Variants in TAFA4 observed in about 807,000 individuals in gnomAD.
The protein encoded by TAFA4 is chemokine-like protein TAFA-4.
TAFA4 carries 20 observed loss-of-function variants against 21.1 expected under a neutral mutation model. That is an observed-to-expected ratio of 0.95 (90% confidence interval 0.67 to 1.38). The LOEUF (loss-of-function observed/expected upper bound fraction) is 1.38. Ranked by LOEUF, TAFA4 falls within the 40% of genes most tolerant of loss-of-function variation. The pLI is 0.00. For missense variants in TAFA4, 211 were observed against 180.9 expected, an observed-to-expected ratio of 1.17 and a Z score of -0.95; for synonymous variants, 71 against 67.4, an observed-to-expected ratio of 1.05 and a Z score of -0.26.
At chr3:68,735,769 A>G (rs1014065059) in intron 5 of TAFA4, among the ~76,000 whole-genome samples, 19 of 152,122 alleles carry the variant, frequency 1.2e-4, no homozygotes, top group African/African-American at 4.1e-4. Flanking sequence ...TAAAAGAATC[A>G]AGTAGGAAGT....
chr3:68,758,163 A>C (rs1702693087), intron 3 of TAFA4, among the ~76,000 whole-genome samples: 1 of 152,222 alleles, frequency 6.6e-6, no homozygotes, highest in Non-Finnish European at 1.5e-5. Context: ...TCTCCACCTC[A>C]GCAAGTCATG....
At chr3:68,831,000 A>G (rs927213084) in intron 3 of TAFA4, among the ~76,000 whole-genome samples, 3 of 152,200 alleles carry the variant, frequency 2.0e-5, no homozygotes, top group African/African-American at 7.2e-5. Context: ...ATCAGAGACC[A>G]GGATTGCAAC....
intron 5 of TAFA4, among the ~76,000 whole-genome samples, chr3:68,738,435 G>A (rs1702283559): frequency 6.6e-6 from 1 of 152,114 alleles, no homozygotes; most frequent in South Asian, 2.1e-4. Flanking sequence ...CTGGAAGGCA[G>A]CAGTCTAGCA....
At chr3:68,921,108 C>CT (rs1275873817) in intron 1 of TAFA4, among the ~76,000 whole-genome samples, 1 of 152,100 alleles carries the variant, frequency 6.6e-6, no homozygotes, top group African/African-American at 2.4e-5. Flanking sequence ...ACAACAGTGA[C>CT]TGATGGCTCC....
At chr3:68,747,537 C>A (rs1197737387) in intron 4 of TAFA4, among the ~76,000 whole-genome samples, 1 of 152,182 alleles carries the variant, frequency 6.6e-6, no homozygotes, top group Non-Finnish European at 1.5e-5. Context: ...GATGGTGAGG[C>A]CTCCCCAGCC....
At chr3:68,830,328 G>T (rs926459442) in intron 3 of TAFA4, among the ~76,000 whole-genome samples, 3 of 152,166 alleles carry the variant, frequency 2.0e-5, no homozygotes, top group African/African-American at 7.2e-5. Flanking sequence ...GGCATTTAGT[G>T]CTATAAATTT....
At chr3:68,863,804 T>G (rs1186232206) in intron 3 of TAFA4, among the ~76,000 whole-genome samples, 1 of 152,182 alleles carries the variant, frequency 6.6e-6, no homozygotes, top group Non-Finnish European at 1.5e-5. Context: ...AATACCAATC[T>G]GACTTATTAA....
At chr3:68,900,240 T>TTAATAATAATAA (rs3048092) in intron 1 of TAFA4, among the ~76,000 whole-genome samples, 39 of 132,836 alleles carry the variant, frequency 2.9e-4, no homozygotes, top group Non-Finnish European at 3.8e-4. Context: ...AGACTCTCTC[T>TTAATAATAATAA]TAATAATAAT....
intron 1 of TAFA4, among the ~76,000 whole-genome samples, chr3:68,886,673 C>T (rs2089676119): frequency 1.3e-5 from 2 of 152,086 alleles, no homozygotes; most frequent in Non-Finnish European, 2.9e-5. Flanking sequence ...AGACAAGAAG[C>T]CAGGAGTTTA....
intron 3 of TAFA4, among the ~76,000 whole-genome samples, chr3:68,771,026 AG>A (rs1418153706): frequency 6.6e-6 from 1 of 152,124 alleles, no homozygotes; most frequent in African/African-American, 2.4e-5. Flanking sequence ...TCGGACACCA[AG>A]GGGAGTTTGG....
chr3:68,835,770 G>C (rs1310112950), intron 3 of TAFA4, among the ~76,000 whole-genome samples: 3 of 152,214 alleles, frequency 2.0e-5, no homozygotes, highest in Non-Finnish European at 4.4e-5. Context: ...CTCCTCAAAT[G>C]AGTCTTTGTG....
intron 3 of TAFA4, among the ~76,000 whole-genome samples, chr3:68,841,628 A>G (rs1181350888): frequency 6.6e-6 from 1 of 151,984 alleles, no homozygotes; most frequent in Non-Finnish European, 1.5e-5. Flanking sequence ...TACACGTGCC[A>G]TGGTGGTTTG....
At chr3:68,735,125 G>A (rs1276483240) in intron 5 of TAFA4, among the ~76,000 whole-genome samples, 2 of 152,034 alleles carry the variant, frequency 1.3e-5, no homozygotes. Context: ...TAGAGATCAG[G>A]GAAGACAAAA....
At chr3:68,858,676 G>A (rs1002425173) in intron 3 of TAFA4, among the ~76,000 whole-genome samples, 57 of 151,314 alleles carry the variant, frequency 3.8e-4, no homozygotes, top group African/African-American at 1.4e-3. Context: ...TAGGTACACT[G>A]TTGTCCCCTT....
At chr3:68,832,090 T>A (rs902901049) in intron 3 of TAFA4, among the ~76,000 whole-genome samples, 1 of 152,196 alleles carries the variant, frequency 6.6e-6, no homozygotes, top group African/African-American at 2.4e-5. Context: ...TAACCTTTTT[T>A]CAAGGTTTTC....
At position 68,823,821 on chromosome 3, in the gene TAFA4, T is replaced by C. The variant is rs114204878; in HGVS notation, c.130+56909A>G. 4.2e-3 allele frequency among the ~76,000 whole-genome samples: 633 copies of C among 152,330 alleles called. 2 individuals carry two copies. Among genetic ancestry groups the C allele is most frequent in the Non-Finnish European group, 7.1e-3 (486 of 68,018 alleles). ...GGCTGCATAGTATGCCCAACAATGATAGACCGTATAAGGAAAATGTGGTAC... is the reference window on the plus strand; with the variant it reads ...GGCTGCATAGTATGCCCAACAATGACAGACCGTATAAGGAAAATGTGGTAC... On this transcript the variant is annotated intron_variant, in intron 3 of 5. Transcript: ENST00000295569.
At chr3:68,893,434 C>T (rs1202558293) in intron 1 of TAFA4, among the ~76,000 whole-genome samples, 2 of 152,100 alleles carry the variant, frequency 1.3e-5, no homozygotes, top group Non-Finnish European at 2.9e-5. Flanking sequence ...ATCTTGCATA[C>T]CGTGGAAGTT....
intron 1 of TAFA4, among the ~76,000 whole-genome samples, chr3:68,916,672 G>A (rs547937011): frequency 1.4e-4 from 21 of 152,262 alleles, no homozygotes; most frequent in African/African-American, 3.6e-4. Context: ...GTGGTAGAAC[G>A]GTCAAGGCAG....
chr3:68,746,733 A>G (rs1702465839), intron 4 of TAFA4, among the ~76,000 whole-genome samples: 1 of 152,184 alleles, frequency 6.6e-6, no homozygotes, highest in Admixed American at 6.5e-5. Flanking sequence ...CACAAAGTAC[A>G]CAGAATACTG....
Sources: gnomAD v4.1 joint callset for allele counts (sites outside exome capture counted in the v4.1 genomes callset) on GRCh38, gnomAD v4.1.1 for gene constraint, MANE v1.5 for transcripts, NCBI Gene and HGNC (gene_info 2026-07-23, HGNC 2026-07-21) for gene names.